The following FIBCD1 variants were observed in gnomAD, a reference collection of about 807,000 sequenced individuals.
FIBCD1 encodes the protein fibrinogen C domain-containing protein 1.
Under a neutral mutation model 45.1 loss-of-function variants are expected in FIBCD1, and 47 were observed. That is an observed-to-expected ratio of 1.04 (90% CI 0.82 to 1.33). The LOEUF (loss-of-function observed/expected upper bound fraction) is 1.33. Among genes scored for constraint, FIBCD1 ranks in the 40% most tolerant of loss-of-function variants. FIBCD1 has a pLI of 0.00. For synonymous variants in FIBCD1, 313 were observed against 308.1 expected, an observed-to-expected ratio of 1.02 and a Z score of -0.17; for missense variants, 653 against 682.2, an observed-to-expected ratio of 0.96 and a Z score of 0.48.
intron 5 of FIBCD1, among the ~76,000 whole-genome samples, chr9:130,909,117 A>C (rs1231021673): frequency 6.6e-6 from 1 of 151,290 alleles, no homozygotes; most frequent in Non-Finnish European, 1.5e-5. Context: ...ACCAGCTCTG[A>C]CCCCGCTCGC....
At chr9:130,912,510 C>T (rs1468946474) in intron 4 of FIBCD1, among the ~76,000 whole-genome samples, 1 of 151,760 alleles carries the variant, frequency 6.6e-6, no homozygotes, top group Non-Finnish European at 1.5e-5. Flanking sequence ...AGTTCGAGAC[C>T]AGCCTGGTCA....
chr9:130,920,053 C>G (rs889378304), intron 4 of FIBCD1, among the ~76,000 whole-genome samples: 3 of 152,124 alleles, frequency 2.0e-5, no homozygotes, highest in African/African-American at 4.8e-5. Context: ...GTTCTGGGCA[C>G]AGCCAGCCCA....
At chr9:130,927,949 T>G (rs1486271184) in intron 2 of FIBCD1, among the ~76,000 whole-genome samples, 1 of 152,216 alleles carries the variant, frequency 6.6e-6, no homozygotes, top group Non-Finnish European at 1.5e-5. Flanking sequence ...CATGAGCCAC[T>G]GCACCTGGCC....
Position 130,926,535 on chromosome 9 carries a change from C to T in FIBCD1, c.553-2139G>A, listed in dbSNP as rs1832362668. Among the ~76,000 whole-genome samples the T allele has an allele frequency of 1.3e-5, 2 of 152,178 alleles. No individual in the cohort carries two copies. The highest frequency in any genetic ancestry group is 1.3e-4 in the Admixed American group (2 of 15,282). Reference sequence around the variant, plus strand: ...TCTGCCTCTCCATAAAATGGGATAACAAGGCCGGGTGTGGTGGCTCACGCC... The same window carrying T: ...TCTGCCTCTCCATAAAATGGGATAATAAGGCCGGGTGTGGTGGCTCACGCC... On this transcript the variant is annotated intron_variant, in intron 2 of 6. Coordinates refer to ENST00000372338, the MANE Select transcript of FIBCD1 (RefSeq NM_032843.5). This position sits in a 1 kb window ranked among gnomAD's most constrained non-coding sequence, Gnocchi z 4.1.
At chr9:130,906,107 G>A (rs746726729) in intron 5 of FIBCD1, among the ~76,000 whole-genome samples, 4 of 152,128 alleles carry the variant, frequency 2.6e-5, no homozygotes, top group Middle Eastern at 3.4e-3. Context: ...GGGAGTTGGC[G>A]GCACCCTCAC....
rs1832371386 is a variant in FIBCD1 at position 130,926,904 on chromosome 9, T to C, written c.553-2508A>G. On this transcript the variant is annotated intron_variant, in intron 2 of 6. Coordinates refer to ENST00000372338, the MANE Select transcript of FIBCD1 (RefSeq NM_032843.5). The surrounding 1 kb of genome is among the most constrained non-coding windows in gnomAD (Gnocchi z 4.1). Reference sequence around the variant, plus strand: ...CTCCTGGCGTTATGGGGCTGCAAAGTGCCTATTAACGCGGAGCCCAGCACA... The same window carrying C: ...CTCCTGGCGTTATGGGGCTGCAAAGCGCCTATTAACGCGGAGCCCAGCACA... Among the ~76,000 whole-genome samples the C allele has an allele frequency of 1.3e-5, 2 of 152,096 alleles. No homozygotes were observed. Among genetic ancestry groups the C allele is most frequent in the Admixed American group, 1.3e-4 (2 of 15,270 alleles).
intron 6 of FIBCD1, among the ~76,000 whole-genome samples, chr9:130,904,759 C>T (rs886627662): frequency 6.6e-6 from 1 of 152,220 alleles, no homozygotes; most frequent in Non-Finnish European, 1.5e-5. Flanking sequence ...AACGGGAAAA[C>T]AGTCCAGGCT....
chr9:130,905,632 C>T (rs187862677), intron 5 of FIBCD1, among the ~76,000 whole-genome samples: 3 of 152,298 alleles, frequency 2.0e-5, no homozygotes, highest in East Asian at 3.9e-4. Flanking sequence ...TTCTCTGTTC[C>T]CTTTAAGTGG....
intron 4 of FIBCD1, among the ~76,000 whole-genome samples, chr9:130,914,960 G>A (rs1043077032): frequency 1.1e-4 from 16 of 152,248 alleles, no homozygotes; most frequent in African/African-American, 3.9e-4. Context: ...CAGGGCCGAA[G>A]CTCGGACACT....
At chr9:130,930,675 G>A (rs1430950354) in intron 1 of FIBCD1, 1 of 449,378 alleles carries the variant, frequency 2.2e-6, no homozygotes, top group Non-Finnish European at 4.5e-6. Context: ...ACCCAGTAAG[G>A]GCTGGAGGTG....
At chr9:130,920,723 C>G in intron 4 of FIBCD1, among the ~76,000 whole-genome samples, 1 of 152,206 alleles carries the variant, frequency 6.6e-6, no homozygotes, top group Non-Finnish European at 1.5e-5. Flanking sequence ...ACCAAGCCAC[C>G]GTGGCCCCCA....
At position 130,929,666 on chromosome 9, in the gene FIBCD1, G is replaced by T. The variant is rs764357411; in HGVS notation, c.453C>A (p.Ala151=). The part of the protein sequence containing the change: ...ADQLPRLLAR[A]SELQTECMGL... ...CCATGCACTCCGTCTGCAGCTCTGA[G>T]GCTCGGGCCAGCAGCCGGGGCAGCT... The change falls in exon 2 of 7, where the codon GCC becomes GCA. Residue 151 remains alanine, a synonymous_variant. Transcript: ENST00000372338. 2 of 1,601,944 alleles carry T rather than the reference G, an allele frequency of 1.2e-6. No homozygotes were observed. The highest frequency in any genetic ancestry group is 2.2e-5 in the South Asian group (2 of 89,192).
Position 130,924,392 on chromosome 9 carries a change from AG to A in FIBCD1, c.556del (p.Leu186SerfsTer12). On this transcript the variant is annotated frameshift_variant, in exon 3 of 7. Coordinates refer to ENST00000372338, the MANE Select transcript of FIBCD1 (RefSeq NM_032843.5). LOFTEE classifies it high-confidence loss of function. ...QSEQGRLIQL[L>X]SESQGHMAHL... ...AGCCATGTGGCCCTGGCTCTCAGAGAGAAGCTGCGGAGCACAGGGGGTGAGC... is the reference window on the plus strand; with the variant it reads ...AGCCATGTGGCCCTGGCTCTCAGAGAAAGCTGCGGAGCACAGGGGGTGAGC... 1 of 1,607,134 alleles carries A rather than the reference AG, an allele frequency of 6.2e-7. No homozygotes were observed.
At chr9:130,911,973 C>G in intron 4 of FIBCD1, 85 bp from the exon 5 acceptor site, 1 of 1,260,540 alleles carries the variant, frequency 7.9e-7, no homozygotes, top group Non-Finnish European at 1.1e-6. Flanking sequence ...CCCAGAGACT[C>G]CCCTCACCCT....
chr9:130,929,491 G>C (rs1048414030), intron 2 of FIBCD1, 76 bp downstream of exon 2: 1 of 1,463,168 alleles, frequency 6.8e-7, no homozygotes, highest in Non-Finnish European at 9.0e-7. Flanking sequence ...ATGGACATCA[G>C]GCGCCTGGCA....
intron 4 of FIBCD1, among the ~76,000 whole-genome samples, chr9:130,917,468 G>C (rs1832185829): frequency 6.7e-6 from 1 of 148,180 alleles, no homozygotes; most frequent in Admixed American, 6.6e-5. Context: ...AGGAGTGACA[G>C]CTCTGGACGC....
chr9:130,912,392 C>CAAA lies in FIBCD1; in HGVS notation c.850-507_850-505dup, dbSNP rs61490832. Among the ~76,000 whole-genome samples the CAAA allele has an allele frequency of 1.9e-3, 144 of 75,706 alleles. 1 individual carries two copies. Among genetic ancestry groups the CAAA allele is most frequent in the African/African-American group, 6.9e-3 (118 of 17,088 alleles). 49.7% of individuals were successfully genotyped at this position (75,706 alleles called of 152,430 possible). On this transcript the variant is annotated intron_variant, in intron 4 of 6. Transcript: ENST00000372338. ...CTGTACTCCAGCCTGGGCTCTCTCT[C>CAAA]AAAAAAAAAAAAAAAAAAAAAAAAG...
intron 4 of FIBCD1, among the ~76,000 whole-genome samples, chr9:130,915,182 G>A (rs1243856716): frequency 2.0e-5 from 3 of 152,176 alleles, no homozygotes; most frequent in Non-Finnish European, 4.4e-5. Context: ...CTGGTGCCAA[G>A]AGCTGGTCCC....
At chr9:130,921,834 C>A (rs1420643866) in intron 4 of FIBCD1, among the ~76,000 whole-genome samples, 1 of 152,242 alleles carries the variant, frequency 6.6e-6, no homozygotes, top group African/African-American at 2.4e-5. Flanking sequence ...CCAGACGCAG[C>A]TCCAGTACAT....
Sources: gnomAD v4.1 joint callset for allele counts (sites outside exome capture counted in the v4.1 genomes callset) on GRCh38, gnomAD v4.1.1 for gene constraint, Gnocchi (gnomAD v3.1) non-coding constraint, MANE v1.5 for transcripts, NCBI Gene and HGNC (gene_info 2026-07-23, HGNC 2026-07-21) for gene names.